Variants in SSB observed in about 807,000 individuals in gnomAD.
SSB encodes lupus La protein.
SSB carries 17 observed loss-of-function variants against 52.9 expected under a neutral mutation model. The ratio of observed to expected loss-of-function variants is 0.32; its 90% confidence interval spans 0.22 to 0.48. SSB has a LOEUF of 0.48. Among genes scored for constraint, SSB ranks in the 20% least tolerant of loss-of-function variants. SSB has a pLI of 0.99. For missense variants in SSB, 314 were observed against 463.6 expected (o/e 0.68, Z 2.96); for synonymous variants, 111 against 152.1 (o/e 0.73, Z 1.99).
rs1244312614 is a variant in SSB, at chr2:169,808,798, T to G, written c.627-62T>G. 5 of 1,333,932 alleles carry G rather than the reference T, an allele frequency of 3.7e-6. No individual in the cohort carries two copies. The African/African-American group carries it at 6.0e-5, about 16-fold the overall frequency. 82.6% of individuals were successfully genotyped at this position (1,333,932 alleles called of 1,614,324 possible). A position where few individuals can be genotyped will look rare whatever the true frequency, so the allele number is the denominator to read the frequency against. ...TAGTGATCATGATTGGTTAACTTTA[T>G]TAGGACTTAATTTTCTTATATAGTA... On this transcript the variant is annotated intron_variant, in intron 7 of 11. Coordinates refer to ENST00000260956, the MANE Select transcript of SSB (RefSeq NM_003142.5).
At chr2:169,799,487 A>G (rs184308124) in intron 1 of SSB, 149 of 152,178 alleles carry the variant, frequency 9.8e-4, no homozygotes, top group African/African-American at 3.4e-3. Flanking sequence ...TTCATCGCTC[A>G]CATCAGGTTT....
At chr2:169,801,810 A>C (rs1689718626) in intron 2 of SSB, among the ~76,000 whole-genome samples, 1 of 152,126 alleles carries the variant, frequency 6.6e-6, no homozygotes, top group Admixed American at 6.5e-5. Context: ...CTGGGATTAC[A>C]GGTGTGAGCC....
At chr2:169,799,264 C>A (rs1689652039) in intron 1 of SSB, 3 of 149,010 alleles carry the variant, frequency 2.0e-5, no homozygotes, top group African/African-American at 7.4e-5. Flanking sequence ...TGGCTGCCCT[C>A]ATCCCCATTG....
At chr2:169,803,146 T>C (rs779081760) in intron 2 of SSB, among the ~76,000 whole-genome samples, 6 of 152,242 alleles carry the variant, frequency 3.9e-5, no homozygotes, top group South Asian at 4.1e-4. Flanking sequence ...GTTTTCTTTC[T>C]AATCTTAGCC....
At chr2:169,800,742 G>A (rs1188820882) in intron 1 of SSB, among the ~76,000 whole-genome samples, 2 of 152,060 alleles carry the variant, frequency 1.3e-5, no homozygotes, top group African/African-American at 2.4e-5. Flanking sequence ...TGAAAGACAA[G>A]TTTTTTATAG....
intron 4 of SSB, 192 bp from the exon 5 acceptor site, chr2:169,806,593 C>T (rs2105701085): frequency 2.2e-6 from 1 of 452,160 alleles, no homozygotes. Flanking sequence ...AAGCAAATAC[C>T]AGATGAATCA....
At chr2:169,806,023 T>C (rs1018644734) in intron 4 of SSB, 184 bp downstream of exon 4, 4 of 679,210 alleles carry the variant, frequency 5.9e-6, no homozygotes, top group Non-Finnish European at 1.0e-5. Context: ...CACGTTGGAG[T>C]GCAGTGGTGT....
chr2:169,808,947 T>G, intron 8 of SSB, 45 bp downstream of exon 8: 1 of 1,467,620 alleles, frequency 6.8e-7, no homozygotes, highest in Non-Finnish European at 9.5e-7. Flanking sequence ...AATTCGAAGT[T>G]AAATGAATAG....
chr2:169,810,216 G>A (rs976235897), intron 8 of SSB, 67 bp from the exon 9 acceptor site: 21 of 1,266,758 alleles, frequency 1.7e-5, no homozygotes, highest in Middle Eastern at 2.7e-4. Context: ...CTATAAGGTG[G>A]TGTGAGTCAT....
chr2:169,810,303 T>C lies in SSB; in HGVS notation c.690T>C (p.Ile230=), dbSNP rs3754913. 0.072 allele frequency: 114,870 copies of C among 1,604,198 alleles called. 4,435 individuals are homozygous for C. The highest frequency in any genetic ancestry group is 0.08 in the Non-Finnish European group (93,779 of 1,176,732). Reference sequence around the variant, plus strand: ...TATAGAAATCTCTAGAAGAAAAGATTGGATGCTTGCTGAAATTTTCGGGTG... The same window carrying C: ...TATAGAAATCTCTAGAAGAAAAGATCGGATGCTTGCTGAAATTTTCGGGTG... The part of the protein sequence containing the change: ...DAEMKSLEEK[I]GCLLKFSGDL... Residue 230 remains isoleucine, a synonymous_variant, in exon 9 of 12, where the codon ATT becomes ATC. Transcript: ENST00000260956.
At chr2:169,799,374 G>T (rs563584843) in intron 1 of SSB, 1 of 151,614 alleles carries the variant, frequency 6.6e-6, no homozygotes, top group Non-Finnish European at 1.5e-5. Context: ...TGGGCACGGG[G>T]TAAACGCCGG....
rs761641602 is a variant in SSB at position 169,801,044 on chromosome 2, T to C, written c.66+18T>C. 3.2e-5 allele frequency: 50 copies of C among 1,560,008 alleles called. No homozygotes were observed. Among genetic ancestry groups the C allele is most frequent in the Non-Finnish European group, 4.1e-5 (48 of 1,158,460 alleles). On this transcript the variant is annotated intron_variant, in intron 2 of 11. Coordinates refer to ENST00000260956, the MANE Select transcript of SSB (RefSeq NM_003142.5). The stretch of plus-strand genomic sequence containing the variant: ...AAATTGAGGTATGATTCCTGTGCTA[T>C]AAACTGCAAAAACAAGTTCCTTGAA...
chr2:169,808,804 C>G, intron 7 of SSB, 56 bp from the exon 8 acceptor site: 2 of 1,361,984 alleles, frequency 1.5e-6, no homozygotes, highest in African/African-American at 1.5e-5. Context: ...TTTATTAGGA[C>G]TTAATTTTCT....
intron 5 of SSB, 21 bp from the exon 6 acceptor site, chr2:169,806,950 T>A: frequency 1.9e-6 from 3 of 1,611,054 alleles, no homozygotes; most frequent in Non-Finnish European, 2.5e-6. Context: ...CTTAAAAAAA[T>A]ATTTTCCTTC....
At chr2:169,808,379 G>C (rs1573961343) in intron 6 of SSB, 103 bp from the exon 7 acceptor site, 1 of 802,652 alleles carries the variant, frequency 1.2e-6, no homozygotes, top group Admixed American at 2.5e-5. Context: ...GATAGTAAGC[G>C]TGTGCAACAT....
chr2:169,810,931 A>G lies in SSB; in HGVS notation c.884A>G (p.Gln295Arg). 6.2e-7 allele frequency: 1 copy of G among 1,613,714 alleles called. No individual in the cohort carries two copies. Among genetic ancestry groups the G allele is most frequent in the Non-Finnish European group, 8.5e-7 (1 of 1,179,756 alleles). Residue 295 changes from glutamine (Q) to arginine (R), a missense_variant, in exon 10 of 12, where the codon CAA becomes CGA. Physicochemically the swap from Gln to Arg is conservative, Grantham distance 43 (BLOSUM62 1). Coordinates refer to ENST00000260956, the MANE Select transcript of SSB (RefSeq NM_003142.5). ...KAKDANNGNL[Q>R]LRNKEVTWEV... Reference sequence around the variant, plus strand: ...AAAGATGCAAATAATGGTAACCTACAATTAAGGAACAAAGAAGTGACTTGG... The same window carrying G: ...AAAGATGCAAATAATGGTAACCTACGATTAAGGAACAAAGAAGTGACTTGG...
intron 4 of SSB, 40 bp from the exon 5 acceptor site, chr2:169,806,745 C>A: frequency 1.4e-6 from 2 of 1,473,282 alleles, no homozygotes; most frequent in South Asian, 2.4e-5. Flanking sequence ...TCTGAGAAGT[C>A]ATTATTTGTT....
At position 169,811,583 on chromosome 2, in the gene SSB, A is replaced by G; in HGVS notation, c.1139-85A>G. 3 of 1,527,060 alleles carry G rather than the reference A, an allele frequency of 2.0e-6. 1 individual carries two copies. Among genetic ancestry groups the G allele is most frequent in the Middle Eastern group, 3.6e-4 (2 of 5,592 alleles). 94.6% of individuals were successfully genotyped at this position (1,527,060 alleles called of 1,614,324 possible). A position where few individuals can be genotyped will look rare whatever the true frequency, so the allele number is the denominator to read the frequency against. On this transcript the variant is annotated intron_variant, in intron 11 of 11. Coordinates refer to ENST00000260956, the MANE Select transcript of SSB (RefSeq NM_003142.5). ...AGGAAGTTGTTGCATCTTTTTCAAC[A>G]GTATCATTATTAGTAATTGTGCTCA...
intron 10 of SSB, 42 bp from the exon 11 acceptor site, chr2:169,811,141 T>TAA: frequency 6.3e-7 from 1 of 1,593,244 alleles, no homozygotes. Context: ...ACAAGAGACT[T>TAA]AAAAAAAGTT....
Sources: gnomAD v4.1 joint callset for allele counts (sites outside exome capture counted in the v4.1 genomes callset) on GRCh38, gnomAD v4.1.1 for gene constraint, MANE v1.5 for transcripts, NCBI Gene and HGNC (gene_info 2026-07-23, HGNC 2026-07-21) for gene names.